ATXN7L1: variants seen among roughly 807,000 people sequenced by gnomAD.
The protein encoded by ATXN7L1 is ataxin 7 like 1, also known as ataxin-7-like protein 1.
Under a neutral mutation model 70.8 loss-of-function variants are expected in ATXN7L1, and 15 were observed. That is an observed-to-expected ratio of 0.21 (90% CI 0.14 to 0.33). The LOEUF is 0.33. Ranked by LOEUF, ATXN7L1 falls within the 10% of genes least tolerant of loss-of-function variation. ATXN7L1 has a pLI of 1.00. For synonymous variants in ATXN7L1, 440 were observed against 445.1 expected (o/e 0.99, Z 0.14); for missense variants, 975 against 1,097.1 (o/e 0.89, Z 1.57).
chr7:105,682,717 G>A (rs1805693884), intron 3 of ATXN7L1, among the ~76,000 whole-genome samples: 2 of 152,266 alleles, frequency 1.3e-5, no homozygotes, highest in South Asian at 4.1e-4. Flanking sequence ...CCATTTAAAT[G>A]AAATGTCCAG....
At chr7:105,769,127 AGTT>A (rs1387883576) in intron 3 of ATXN7L1, among the ~76,000 whole-genome samples, 2 of 152,168 alleles carry the variant, frequency 1.3e-5, no homozygotes, top group Non-Finnish European at 2.9e-5. Flanking sequence ...TACCTTACTG[AGTT>A]GTTATGAAAA....
intron 3 of ATXN7L1, among the ~76,000 whole-genome samples, chr7:105,702,845 G>A (rs776023589): frequency 1.3e-5 from 2 of 152,178 alleles, no homozygotes; most frequent in East Asian, 3.9e-4. Context: ...GCCGCCGGGC[G>A]CAGTGGCTCA....
intron 3 of ATXN7L1, among the ~76,000 whole-genome samples, chr7:105,785,432 CTACAGTCTGGAT>C (rs1283551773): frequency 6.6e-6 from 1 of 152,026 alleles, no homozygotes; most frequent in Non-Finnish European, 1.5e-5. Context: ...TACCACTGCA[CTACAGTCTGGAT>C]GACAGTCTGA....
At chr7:105,645,753 C>T (rs1345030457) in intron 4 of ATXN7L1, among the ~76,000 whole-genome samples, 1 of 151,808 alleles carries the variant, frequency 6.6e-6, no homozygotes, top group African/African-American at 2.4e-5. Context: ...GCAGAGCTTA[C>T]AGTGAGCCGA....
chr7:105,617,640 T>G (rs1363893062), intron 9 of ATXN7L1, among the ~76,000 whole-genome samples: 1 of 152,198 alleles, frequency 6.6e-6, no homozygotes, highest in African/African-American at 2.4e-5. Flanking sequence ...AGGTGTCAAA[T>G]GGCAGTGGAT....
intron 10 of ATXN7L1, among the ~76,000 whole-genome samples, chr7:105,611,571 C>T (rs1793157166): frequency 6.6e-6 from 1 of 152,182 alleles, no homozygotes; most frequent in South Asian, 2.1e-4. Flanking sequence ...AGGGTTTTGC[C>T]ATGTTGGCCA....
intron 3 of ATXN7L1, among the ~76,000 whole-genome samples, chr7:105,758,970 G>T (rs769881255): frequency 1.4e-4 from 21 of 152,100 alleles, no homozygotes; most frequent in Non-Finnish European, 2.8e-4. Context: ...GGGTCCGTGG[G>T]GTGGCCGGGG....
chr7:105,726,331 G>A (rs1322206842), intron 3 of ATXN7L1, among the ~76,000 whole-genome samples: 1 of 152,202 alleles, frequency 6.6e-6, no homozygotes, highest in Non-Finnish European at 1.5e-5. Context: ...CCTCTGGCCT[G>A]TGGCAGGACA....
chr7:105,613,995 C>T lies in ATXN7L1; in HGVS notation c.2339G>A (p.Arg780His), dbSNP rs1386041276. 2.6e-6 allele frequency: 4 copies of T among 1,552,208 alleles called. No individual in the cohort carries two copies. The highest frequency in any genetic ancestry group is 1.2e-5 in the South Asian group (1 of 84,068). ...LSFDKSEGKKRKNSSSSSKAC... is the reference protein window; with the variant it reads ...LSFDKSEGKKHKNSSSSSKAC... ...TTTGCTACTAGAACTCGAGTTCTTA[C>T]GCTTTTTTCCTTCTGATTTGTCAAA... Residue 780 changes from arginine to histidine, a missense_variant, in exon 10 of 12, where the codon CGT becomes CAT. By Grantham distance (29) the Arg-to-His change is conservative. Transcript: ENST00000419735.
At chr7:105,807,207 C>G (rs1022778973) in intron 2 of ATXN7L1, among the ~76,000 whole-genome samples, 11 of 152,234 alleles carry the variant, frequency 7.2e-5, no homozygotes, top group Non-Finnish European at 1.3e-4. Context: ...GCTCCACAAA[C>G]ATCAGTTAGT....
intron 3 of ATXN7L1, among the ~76,000 whole-genome samples, chr7:105,711,798 C>A (rs1349763671): frequency 6.6e-6 from 1 of 152,216 alleles, no homozygotes; most frequent in East Asian, 1.9e-4. Context: ...GGAACAGTGG[C>A]CCTCTTCTCA....
intron 3 of ATXN7L1, among the ~76,000 whole-genome samples, chr7:105,689,660 C>A (rs1046174561): frequency 6.6e-6 from 1 of 152,096 alleles, no homozygotes; most frequent in Non-Finnish European, 1.5e-5. Context: ...GGAGGAGGCA[C>A]GGGGAAGTGG....
intron 3 of ATXN7L1, among the ~76,000 whole-genome samples, chr7:105,754,979 G>C (rs555567177): frequency 2.0e-5 from 3 of 152,280 alleles, no homozygotes; most frequent in African/African-American, 7.2e-5. Flanking sequence ...AGACATAAAT[G>C]TTGTGTTTTA....
intron 3 of ATXN7L1, among the ~76,000 whole-genome samples, chr7:105,762,652 G>T (rs544283917): frequency 1.3e-3 from 194 of 152,284 alleles, no homozygotes; most frequent in Admixed American, 4.4e-3. Flanking sequence ...CCCTGTCAAT[G>T]ATTCTTGTGC....
intron 3 of ATXN7L1, among the ~76,000 whole-genome samples, chr7:105,684,897 G>C (rs1486558095): frequency 2.0e-5 from 3 of 152,102 alleles, no homozygotes; most frequent in African/African-American, 7.2e-5. Flanking sequence ...TCATCTCCCT[G>C]GTAGGATCTT....
intron 3 of ATXN7L1, among the ~76,000 whole-genome samples, chr7:105,671,432 A>C (rs1803663550): frequency 6.6e-6 from 1 of 152,180 alleles, no homozygotes; most frequent in Non-Finnish European, 1.5e-5. Flanking sequence ...TACTGTGCTA[A>C]TATTGAATAT....
chr7:105,615,196 G>A (rs963894460), intron 9 of ATXN7L1, among the ~76,000 whole-genome samples: 11 of 152,004 alleles, frequency 7.2e-5, no homozygotes, highest in African/African-American at 2.7e-4. Context: ...CAATGAAGGT[G>A]GTTTTTAATG....
chr7:105,848,241 T>C (rs1299429165), intron 2 of ATXN7L1, among the ~76,000 whole-genome samples: 1 of 152,192 alleles, frequency 6.6e-6, no homozygotes, highest in African/African-American at 2.4e-5. Context: ...TGGTGAGATA[T>C]TGGCCAGAGT....
At chr7:105,801,033 G>C (rs1806737757) in intron 2 of ATXN7L1, among the ~76,000 whole-genome samples, 2 of 152,132 alleles carry the variant, frequency 1.3e-5, no homozygotes, top group Non-Finnish European at 2.9e-5. Flanking sequence ...AAATTTCTCT[G>C]GGCCTCAGTT....
Sources: allele counts gnomAD v4.1 joint callset (sites outside exome capture counted in the v4.1 genomes callset), GRCh38; gene constraint gnomAD v4.1.1; transcripts MANE v1.5; gene names NCBI Gene and HGNC (gene_info 2026-07-23, HGNC 2026-07-21).